PCDHA5: variants seen among roughly 807,000 people sequenced by gnomAD.
PCDHA5 encodes protocadherin alpha 5.
In PCDHA5, 43 loss-of-function variants were observed where a neutral mutation model predicts 61.6. That is an observed-to-expected ratio of 0.70 (90% CI 0.55 to 0.90). The LOEUF is 0.90. Among genes scored for constraint, PCDHA5 ranks in the 40% least tolerant of loss-of-function variants. The probability of loss-of-function intolerance (pLI) is 0.00; values close to 1 mark genes in which losing one functional copy is unlikely to be tolerated. For synonymous variants in PCDHA5, 627 were observed against 543.9 expected (o/e 1.15, Z -2.13); for missense variants, 1,298 against 1,222.7 (o/e 1.06, Z -0.92).
At chr5:140,982,711 A>T (rs370595783) in intron 3 of PCDHA5, 148 bp downstream of exon 3, 2 of 1,370,268 alleles carry the variant, frequency 1.5e-6, no homozygotes, top group African/African-American at 2.9e-5. Context: ...TTCCTTACAT[A>T]TATGATTATT....
chr5:140,967,276 G>C, intron 1 of PCDHA5: 2 of 1,613,398 alleles, frequency 1.2e-6, no homozygotes. Context: ...TTCACATAGA[G>C]AGTGCGCAGG....
At chr5:140,829,691 C>T in intron 1 of PCDHA5, 1 of 1,613,260 alleles carries the variant, frequency 6.2e-7, no homozygotes, top group Non-Finnish European at 8.5e-7. Context: ...GCTGCAGTTT[C>T]AGGTGAGCGC....
At chr5:140,842,532 A>G in intron 1 of PCDHA5, 1 of 1,613,066 alleles carries the variant, frequency 6.2e-7, no homozygotes, top group African/African-American at 1.3e-5. Context: ...TTCAAGAATT[A>G]CTACTCGTTG....
intron 1 of PCDHA5, among the ~76,000 whole-genome samples, chr5:140,914,765 T>A (rs2076829694): frequency 6.6e-6 from 1 of 152,080 alleles, no homozygotes. Flanking sequence ...TTACATGAGG[T>A]TTATGACTTA....
At chr5:140,834,868 T>C in intron 1 of PCDHA5, 1 of 1,609,592 alleles carries the variant, frequency 6.2e-7, no homozygotes, top group Non-Finnish European at 8.5e-7. Flanking sequence ...GATGCAGATA[T>C]CGGGGAGAAC....
intron 3 of PCDHA5, among the ~76,000 whole-genome samples, chr5:141,009,142 G>T (rs1374390797): frequency 2.0e-5 from 3 of 152,204 alleles, no homozygotes; most frequent in Non-Finnish European, 4.4e-5. Context: ...GAAAAAACCT[G>T]CCCTCTTGCT....
intron 1 of PCDHA5, chr5:140,836,045 C>G: frequency 1.2e-6 from 2 of 1,613,320 alleles, no homozygotes; most frequent in South Asian, 1.1e-5. Flanking sequence ...TGCAGGTGTT[C>G]GTGCTGGACG....
At chr5:140,871,376 G>GCT (rs782235924) in intron 1 of PCDHA5, 26 of 1,614,078 alleles carry the variant, frequency 1.6e-5, no homozygotes, top group South Asian at 1.4e-4. Flanking sequence ...CAGAGGGTGT[G>GCT]CTCTGAGGAG....
chr5:140,926,464 A>C (rs1445781673), intron 1 of PCDHA5: 1 of 159,892 alleles, frequency 6.3e-6, no homozygotes, highest in Non-Finnish European at 1.4e-5. Flanking sequence ...TGTCCTAGAA[A>C]ACACCGTTTA....
At chr5:140,851,197 G>A (rs1581255686) in intron 1 of PCDHA5, 1 of 1,202,520 alleles carries the variant, frequency 8.3e-7, no homozygotes. Flanking sequence ...TTAGTTGTTA[G>A]TCATTCATTA....
At chr5:140,975,978 A>T (rs964939685) in intron 1 of PCDHA5, among the ~76,000 whole-genome samples, 1 of 152,142 alleles carries the variant, frequency 6.6e-6, no homozygotes, top group African/African-American at 2.4e-5. Context: ...AAGTAAGCAT[A>T]GTCCTGGGAG....
At chr5:140,926,196 T>C (rs1175807987) in intron 1 of PCDHA5, among the ~76,000 whole-genome samples, 1 of 151,596 alleles carries the variant, frequency 6.6e-6, no homozygotes, top group Non-Finnish European at 1.5e-5. Context: ...CAGCACTTCT[T>C]TCGGGGGGCT....
chr5:140,983,429 T>G (rs2097050099), intron 3 of PCDHA5, among the ~76,000 whole-genome samples: 1 of 152,214 alleles, frequency 6.6e-6, no homozygotes, highest in South Asian at 2.1e-4. Flanking sequence ...AGACCACAAA[T>G]TGTGTCTACT....
intron 1 of PCDHA5, chr5:140,843,313 G>C (rs1554139942): frequency 8.8e-6 from 14 of 1,596,074 alleles, no homozygotes; most frequent in Non-Finnish European, 1.1e-5. Flanking sequence ...CCACGGCCAC[G>C]GTTCTGGTGT....
intron 3 of PCDHA5, among the ~76,000 whole-genome samples, chr5:140,982,966 G>A (rs1407279371): frequency 6.6e-6 from 1 of 151,986 alleles, no homozygotes; most frequent in African/African-American, 2.4e-5. Flanking sequence ...CCCACCCAAA[G>A]TAGTAAGGAA....
At position 140,870,948 on chromosome 5, in the gene PCDHA5, C is replaced by T. The variant is rs868931274; in HGVS notation, c.2352+46821C>T. ...CATATGAATTGCAGCCGGCGGCGGG[C>T]GGCTCGCGCATCCCGTTCCGCGTGG... On this transcript the variant is annotated intron_variant, in intron 1 of 3. Coordinates refer to ENST00000529859, the MANE Select transcript of PCDHA5 (RefSeq NM_018908.3). 3.0e-5 allele frequency: 49 copies of T among 1,613,584 alleles called. 1 individual carries two copies. The Middle Eastern group carries it at 7.0e-3, about 229-fold the overall frequency.
intron 1 of PCDHA5, among the ~76,000 whole-genome samples, chr5:140,891,067 C>G (rs2062935872): frequency 6.6e-6 from 1 of 152,096 alleles, no homozygotes; most frequent in Admixed American, 6.6e-5. Flanking sequence ...AAATATTATT[C>G]CAGTGTCTAC....
Position 140,890,802 on chromosome 5 carries a change from A to G in PCDHA5, c.2352+66675A>G, listed in dbSNP as rs1401387956. On this transcript the variant is annotated intron_variant, in intron 1 of 3. Transcript: ENST00000529859. The stretch of plus-strand genomic sequence containing the variant: ...TAAGATATTAGTATTATTTTATACA[A>G]TCAACATTGTTTTAAATGTACTTAC... 5.3e-5 allele frequency among the ~76,000 whole-genome samples: 8 copies of G among 152,310 alleles called. 1 individual carries two copies. Among genetic ancestry groups the G allele is most frequent in the Admixed American group, 4.6e-4 (7 of 15,296 alleles).
chr5:140,883,841 C>T (rs2059844881), intron 1 of PCDHA5: 1 of 1,612,742 alleles, frequency 6.2e-7, no homozygotes, highest in Non-Finnish European at 8.5e-7. Context: ...GCCGTTGGAC[C>T]ACGAGGAGCT....
Sources: allele counts gnomAD v4.1 joint callset (sites outside exome capture counted in the v4.1 genomes callset), GRCh38; gene constraint gnomAD v4.1.1; transcripts MANE v1.5; gene names NCBI Gene and HGNC (gene_info 2026-07-23, HGNC 2026-07-21).